CADM2: variants seen among roughly 807,000 people sequenced by gnomAD.
The protein encoded by CADM2 is cell adhesion molecule 2.
Under a neutral mutation model 49.8 loss-of-function variants are expected in CADM2, and 12 were observed. That is an observed-to-expected ratio of 0.24 (90% CI 0.15 to 0.39). The LOEUF is 0.39. Ranked by LOEUF, CADM2 falls within the 10% of genes least tolerant of loss-of-function variation. The probability of loss-of-function intolerance (pLI) is 1.00; values close to 1 mark genes in which losing one functional copy is unlikely to be tolerated. For missense variants in CADM2, 378 were observed against 492.3 expected (o/e 0.77, Z 2.20); for synonymous variants, 214 against 175.4 (o/e 1.22, Z -1.74).
chr3:85,066,359 G>A (rs1431380742), intron 1 of CADM2, among the ~76,000 whole-genome samples: 2 of 148,968 alleles, frequency 1.3e-5, no homozygotes, highest in African/African-American at 2.5e-5. Flanking sequence ...CCAACTAGGG[G>A]TAAAATGCTG....
chr3:85,833,322 T>G (rs1214867838), intron 3 of CADM2, among the ~76,000 whole-genome samples: 1 of 151,744 alleles, frequency 6.6e-6, no homozygotes, highest in Non-Finnish European at 1.5e-5. Context: ...TGTTAGATTT[T>G]GGCATCAGGG....
Position 85,688,183 on chromosome 3 carries a change from A to G in CADM2, c.62-38339A>G, listed in dbSNP as rs577583661. On this transcript the variant is annotated intron_variant, in intron 1 of 9. Transcript: ENST00000383699. ...TTGATTTCACAGAGAGCCAATAGTT[A>G]TACAACATAGTGAATTATGGACTGC... 2.0e-5 allele frequency among the ~76,000 whole-genome samples: 3 copies of G among 152,310 alleles called. No homozygotes were observed. The East Asian group carries it at 5.8e-4, about 29-fold the overall frequency.
chr3:85,499,165 A>G (rs777187381), intron 1 of CADM2, among the ~76,000 whole-genome samples: 11 of 152,190 alleles, frequency 7.2e-5, no homozygotes, highest in Non-Finnish European at 1.2e-4. Flanking sequence ...TTACAATGAA[A>G]AAACAAAGCA....
chr3:85,288,784 G>GCCCC lies in CADM2; in HGVS notation c.61+329124_61+329127dup, dbSNP rs60466682. Among the ~76,000 whole-genome samples, 460 of 88,048 alleles carry GCCCC rather than the reference G, an allele frequency of 5.2e-3. 23 individuals carry two copies. The highest frequency in any genetic ancestry group is 8.8e-3 in the East Asian group (28 of 3,192). 57.8% of individuals were successfully genotyped at this position (88,048 alleles called of 152,430 possible). On this transcript the variant is annotated intron_variant, in intron 1 of 9. Transcript: ENST00000383699. ...CGCCAGTATTCTGCTTTACCAATAT[G>GCCCC]CCCCCCCCCCCTCTTTTTTTCCATC...
In CADM2 at chr3:85,544,739, C is replaced by A. The variant is rs78180325; in HGVS notation, c.62-181783C>A. Among the ~76,000 whole-genome samples, 1,436 of 151,708 alleles carry A rather than the reference C, an allele frequency of 9.5e-3. 22 individuals carry two copies. The highest frequency in any genetic ancestry group is 0.031 in the African/African-American group (1,277 of 41,344). On this transcript the variant is annotated intron_variant, in intron 1 of 9. Coordinates refer to ENST00000383699, the MANE Select transcript of CADM2 (RefSeq NM_001167675.2). ...ACTGGAGTGGAATTCCTAGATTGGGCATAATTGACAATGGGCCACTTTTAC... is the reference window on the plus strand; with the variant it reads ...ACTGGAGTGGAATTCCTAGATTGGGAATAATTGACAATGGGCCACTTTTAC...
chr3:85,908,540 C>G (rs1193680031), intron 5 of CADM2, among the ~76,000 whole-genome samples: 1 of 151,720 alleles, frequency 6.6e-6, no homozygotes, highest in Non-Finnish European at 1.5e-5. Flanking sequence ...AGGAATTTTT[C>G]TTTAGGTATA....
intron 2 of CADM2, among the ~76,000 whole-genome samples, chr3:85,734,974 A>ATGTGTG (rs1200111755): frequency 4.0e-4 from 32 of 79,394 alleles, no homozygotes; most frequent in East Asian, 8.7e-4. Context: ...CTAGAAATAT[A>ATGTGTG]TATATGTGTG....
chr3:85,971,089 A>T (rs1726065930), intron 8 of CADM2, among the ~76,000 whole-genome samples: 1 of 151,628 alleles, frequency 6.6e-6, no homozygotes, highest in Non-Finnish European at 1.5e-5. Context: ...TAATATTTTT[A>T]AAATAACATA....
chr3:85,762,187 A>C (rs1229310979), intron 2 of CADM2, among the ~76,000 whole-genome samples: 1 of 152,160 alleles, frequency 6.6e-6, no homozygotes, highest in East Asian at 1.9e-4. Context: ...TAAGGGAGAT[A>C]GGAGAGTTTG....
chr3:85,747,830 T>C (rs2068681869), intron 2 of CADM2, among the ~76,000 whole-genome samples: 1 of 152,126 alleles, frequency 6.6e-6, no homozygotes. Context: ...ATTTACTTTT[T>C]AATATTACTC....
At chr3:85,723,881 A>G (rs1381442254) in intron 1 of CADM2, among the ~76,000 whole-genome samples, 2 of 151,968 alleles carry the variant, frequency 1.3e-5, no homozygotes, top group Non-Finnish European at 2.9e-5. Context: ...TCATGCTAAA[A>G]TTTTTCAAGT....
chr3:85,481,412 T>A (rs529483960), intron 1 of CADM2, among the ~76,000 whole-genome samples: 2 of 151,684 alleles, frequency 1.3e-5, no homozygotes, highest in African/African-American at 4.8e-5. Context: ...GCCGCTTCCA[T>A]GAATGCTACA....
intron 1 of CADM2, among the ~76,000 whole-genome samples, chr3:85,342,251 CAT>C (rs1258780764): frequency 4.6e-5 from 7 of 151,850 alleles, no homozygotes; most frequent in Non-Finnish European, 8.8e-5. Context: ...AGCCAACAGA[CAT>C]ATGAAAAAAT....
intron 2 of CADM2, among the ~76,000 whole-genome samples, chr3:85,785,040 A>G (rs1437208644): frequency 6.6e-6 from 1 of 152,026 alleles, no homozygotes; most frequent in African/African-American, 2.4e-5. Context: ...GAATCTGTCC[A>G]TTTCTTCTGC....
intron 3 of CADM2, among the ~76,000 whole-genome samples, chr3:85,872,606 C>G (rs1318291448): frequency 4.0e-5 from 6 of 151,118 alleles, no homozygotes; most frequent in African/African-American, 1.5e-4. Context: ...GGCTTTTTGT[C>G]CTATTCCATC....
At chr3:85,892,155 AC>A (rs1228041931) in intron 5 of CADM2, among the ~76,000 whole-genome samples, 23 of 152,330 alleles carry the variant, frequency 1.5e-4, no homozygotes, top group Admixed American at 1.4e-3. Flanking sequence ...GCTGGTAAGT[AC>A]CTGAACTAAT....
chr3:85,159,525 C>A (rs532886913), intron 1 of CADM2, among the ~76,000 whole-genome samples: 28 of 152,264 alleles, frequency 1.8e-4, no homozygotes, highest in Admixed American at 3.3e-4. Context: ...AGTGGTTTCA[C>A]ATGAGACAAT....
At chr3:85,036,476 G>A (rs544750186) in intron 1 of CADM2, among the ~76,000 whole-genome samples, 1 of 152,246 alleles carries the variant, frequency 6.6e-6, no homozygotes, top group African/African-American at 2.4e-5. Flanking sequence ...AACTCTTGGA[G>A]CTATTGACAA....
chr3:85,924,733 A>G (rs2108511464), intron 6 of CADM2, among the ~76,000 whole-genome samples: 1 of 152,308 alleles, frequency 6.6e-6, no homozygotes, highest in East Asian at 1.9e-4. Flanking sequence ...TGATAGAGAC[A>G]CATTGCTTCT....
Sources: allele counts gnomAD v4.1 joint callset (sites outside exome capture counted in the v4.1 genomes callset), GRCh38; gene constraint gnomAD v4.1.1; transcripts MANE v1.5; gene names NCBI Gene and HGNC (gene_info 2026-07-23, HGNC 2026-07-21).